CSGALNACT1: variants seen among roughly 807,000 people sequenced by gnomAD.
CSGALNACT1 encodes the protein beta4GalNAcT-1.
In CSGALNACT1, 52 loss-of-function variants were observed where a neutral mutation model predicts 51.0. That is an observed-to-expected ratio of 1.02 (90% CI 0.82 to 1.29). The LOEUF is 1.29. Ranked by LOEUF, CSGALNACT1 falls within the 50% of genes most tolerant of loss-of-function variation. CSGALNACT1 has a pLI of 0.00. For synonymous variants in CSGALNACT1, 341 were observed against 254.4 expected (o/e 1.34, Z -3.24); for missense variants, 935 against 679.2 (o/e 1.38, Z -4.19).
At chr8:19,446,553 G>T (rs1296245543) in intron 5 of CSGALNACT1, among the ~76,000 whole-genome samples, 1 of 151,942 alleles carries the variant, frequency 6.6e-6, no homozygotes, top group Non-Finnish European at 1.5e-5. Context: ...AGAGAGTCTC[G>T]CTCTCTCACC....
chr8:19,605,464 C>A (rs1173755993), upstream of CSGALNACT1, among the ~76,000 whole-genome samples: 1 of 152,166 alleles, frequency 6.6e-6, no homozygotes, highest in Non-Finnish European at 1.5e-5. Flanking sequence ...TAAATTCATT[C>A]ATTCACTCGT....
chr8:19,416,103 T>C (rs1159217654), intron 8 of CSGALNACT1, among the ~76,000 whole-genome samples: 1 of 139,486 alleles, frequency 7.2e-6, no homozygotes, highest in Admixed American at 7.9e-5. Context: ...ATTAAAGAAA[T>C]GAAAACTTTT....
chr8:19,561,197 C>T (rs1433740036), intron 3 of CSGALNACT1, among the ~76,000 whole-genome samples: 5 of 152,072 alleles, frequency 3.3e-5, no homozygotes, highest in Non-Finnish European at 7.4e-5. Context: ...GGAAGGGACT[C>T]ATGGAAGGTT....
chr8:19,451,809 C>A (rs1427310056), intron 5 of CSGALNACT1, among the ~76,000 whole-genome samples: 1 of 152,248 alleles, frequency 6.6e-6, no homozygotes, highest in Non-Finnish European at 1.5e-5. Flanking sequence ...GAAAAACCTG[C>A]CCCTGATAAT....
intron 5 of CSGALNACT1, among the ~76,000 whole-genome samples, chr8:19,451,968 G>T (rs540348650): frequency 6.6e-6 from 1 of 152,312 alleles, no homozygotes; most frequent in East Asian, 1.9e-4. Flanking sequence ...TTTTAAAGGT[G>T]ATGCATGGGA....
chr8:19,636,383 C>T (rs1454772406), intron 1 of CSGALNACT1, among the ~76,000 whole-genome samples: 2 of 151,906 alleles, frequency 1.3e-5, no homozygotes, highest in African/African-American at 4.8e-5. Flanking sequence ...TTCAGGCATC[C>T]AATGAGAATC....
intron 1 of CSGALNACT1, among the ~76,000 whole-genome samples, chr8:19,662,802 A>C (rs1392099570): frequency 1.3e-5 from 2 of 152,132 alleles, no homozygotes; most frequent in Non-Finnish European, 2.9e-5. Context: ...CAGTGGAGAG[A>C]CAGCACACCC....
chr8:19,673,423 C>G lies in CSGALNACT1; in HGVS notation c.-544+9050G>C, dbSNP rs568348220. On this transcript the variant is annotated intron_variant, in intron 1 of 9. Coordinates refer to the CSGALNACT1 transcript ENST00000332246. ...TCTTTATCATTCATCATCATGAGAT[C>G]TGGTCACAGCAAACCAAGACGGCAG... Among the ~76,000 whole-genome samples the G allele has an allele frequency of 4.0e-5, 6 of 150,268 alleles. No individual in the cohort carries two copies. In the East Asian group the frequency reaches 9.6e-4, roughly 24 times the overall value.
chr8:19,490,436 A>G (rs991717504), intron 4 of CSGALNACT1, among the ~76,000 whole-genome samples: 5 of 152,192 alleles, frequency 3.3e-5, no homozygotes, highest in Admixed American at 3.3e-4. Flanking sequence ...GAAAACTCCT[A>G]TTCATCTCCT....
intron 1 of CSGALNACT1, among the ~76,000 whole-genome samples, chr8:19,620,690 T>A (rs2053707020): frequency 6.6e-6 from 1 of 152,150 alleles, no homozygotes; most frequent in African/African-American, 2.4e-5. Context: ...CACCTTGGCC[T>A]CCCAAAGCAC....
At chr8:19,551,613 T>A (rs187861644) in intron 3 of CSGALNACT1, among the ~76,000 whole-genome samples, 38 of 152,290 alleles carry the variant, frequency 2.5e-4, no homozygotes, top group Non-Finnish European at 5.0e-4. Context: ...TTGCTTACAG[T>A]TCCAAGTCTG....
intron 1 of CSGALNACT1, among the ~76,000 whole-genome samples, chr8:19,636,026 A>G (rs915774180): frequency 4.6e-5 from 7 of 152,032 alleles, no homozygotes; most frequent in Non-Finnish European, 1.5e-5. Flanking sequence ...CTGTTCATTC[A>G]TTTTTCAAAG....
chr8:19,493,652 C>G (rs937653934), intron 4 of CSGALNACT1, among the ~76,000 whole-genome samples: 2 of 152,152 alleles, frequency 1.3e-5, no homozygotes, highest in Non-Finnish European at 2.9e-5. Context: ...ACCATTTATG[C>G]TGCAGCATGT....
chr8:19,753,085 T>G (rs556959292), intron 1 of CSGALNACT1, among the ~76,000 whole-genome samples: 1 of 152,296 alleles, frequency 6.6e-6, no homozygotes, highest in African/African-American at 2.4e-5. Context: ...TCAGCTTCAG[T>G]CTGCGAAGAT....
chr8:19,477,024 T>G (rs1057150188), intron 4 of CSGALNACT1, among the ~76,000 whole-genome samples: 9 of 152,106 alleles, frequency 5.9e-5, no homozygotes, highest in African/African-American at 2.2e-4. Context: ...TAATAATAAC[T>G]CACTAAAATT....
At chr8:19,468,915 C>T (rs2067373924) in intron 4 of CSGALNACT1, among the ~76,000 whole-genome samples, 1 of 152,040 alleles carries the variant, frequency 6.6e-6, no homozygotes, top group African/African-American at 2.4e-5. Context: ...AGGATGCAGG[C>T]TCAGGATATG....
At chr8:19,666,091 C>T (rs1449227999) in intron 1 of CSGALNACT1, among the ~76,000 whole-genome samples, 1 of 152,072 alleles carries the variant, frequency 6.6e-6, no homozygotes, top group Non-Finnish European at 1.5e-5. Flanking sequence ...AGTTTAAATC[C>T]AGGCAGACTT....
intron 3 of CSGALNACT1, among the ~76,000 whole-genome samples, chr8:19,507,626 T>C (rs1010746175): frequency 1.3e-5 from 2 of 150,198 alleles, no homozygotes; most frequent in African/African-American, 2.5e-5. Context: ...CCTAAATGCA[T>C]CTTTCTTTTT....
chr8:19,422,612 G>C (rs1010121576), intron 6 of CSGALNACT1, among the ~76,000 whole-genome samples: 2 of 152,188 alleles, frequency 1.3e-5, no homozygotes, highest in Non-Finnish European at 2.9e-5. Context: ...CACATTTTCT[G>C]TGTGTTGCAT....
Sources: gnomAD v4.1 joint callset for allele counts (sites outside exome capture counted in the v4.1 genomes callset) on GRCh38, gnomAD v4.1.1 for gene constraint, MANE v1.5 for transcripts, NCBI Gene and HGNC (gene_info 2026-07-23, HGNC 2026-07-21) for gene names.